Variants in C1QTNF3 observed in about 807,000 individuals in gnomAD.
The protein encoded by C1QTNF3 is C1q and TNF related 3, also known as complement C1q tumor necrosis factor-related protein 3.
In C1QTNF3, 26 loss-of-function variants were observed where a neutral mutation model predicts 32.6. The ratio of observed to expected loss-of-function variants is 0.80; its 90% CI spans 0.58 to 1.11. The LOEUF (loss-of-function observed/expected upper bound fraction) is 1.11, where lower values mean the gene tolerates loss of function less well. Among genes scored for constraint, C1QTNF3 ranks in the 50% least tolerant of loss-of-function variants. The pLI, the probability that C1QTNF3 is intolerant of heterozygous loss-of-function variation, is 0.00. For missense variants in C1QTNF3, 362 were observed against 398.2 expected, an observed-to-expected ratio of 0.91 and a Z score of 0.77; for synonymous variants, 155 against 146.0, an observed-to-expected ratio of 1.06 and a Z score of -0.44.
chr5:34,104,605 A>G, the C1QTNF3 span, among the ~76,000 whole-genome samples: 1 of 90,044 alleles, frequency 1.1e-5, no homozygotes, highest in Admixed American at 1.4e-4. Flanking sequence ...GCATGATGTC[A>G]GCTCACTGCA....
chr5:34,020,779 G>T (rs1464609312), intron 5 of C1QTNF3, 37 bp from the exon 6 acceptor site: 1 of 1,595,398 alleles, frequency 6.3e-7, no homozygotes, highest in Admixed American at 1.7e-5. Flanking sequence ...CTTAGTTTTT[G>T]CCATGAACAA....
the C1QTNF3 span, among the ~76,000 whole-genome samples, chr5:34,117,749 C>T: frequency 6.0e-5 from 9 of 151,238 alleles, no homozygotes; most frequent in African/African-American, 1.9e-4. Flanking sequence ...CCAGACTAGG[C>T]GACAGAGTGA....
chr5:34,142,273 C>T, the C1QTNF3 span, among the ~76,000 whole-genome samples: 2 of 151,918 alleles, frequency 1.3e-5, no homozygotes, highest in African/African-American at 2.4e-5. Flanking sequence ...TCTACTAAAA[C>T]CACAAAAAAT....
At chr5:34,211,711 G>A in the C1QTNF3 span, among the ~76,000 whole-genome samples, 839 of 151,914 alleles carry the variant, frequency 5.5e-3, 3 homozygotes, top group South Asian at 9.4e-3. Flanking sequence ...TCCCTACAAA[G>A]GACATGAACT....
chr5:34,155,007 T>C, the C1QTNF3 span, among the ~76,000 whole-genome samples: 3 of 152,212 alleles, frequency 2.0e-5, no homozygotes, highest in Non-Finnish European at 4.4e-5. Context: ...ACATACTTCT[T>C]AGTTATCATT....
In C1QTNF3 at chr5:34,024,030, C is replaced by A. The variant is rs542504441; in HGVS notation, c.701-22G>T. 5.7e-6 allele frequency: 9 copies of A among 1,584,122 alleles called. No individual in the cohort carries two copies. The South Asian group carries it at 1.0e-4, about 18-fold the overall frequency. Reference sequence around the variant, plus strand: ...ACACCTGAAAAAAGCAGGTATATATCCATGTTGATATTAACATGTTATACA... The same window carrying A: ...ACACCTGAAAAAAGCAGGTATATATACATGTTGATATTAACATGTTATACA... On this transcript the variant is annotated intron_variant, in intron 4 of 5. Coordinates refer to ENST00000382065, the MANE Select transcript of C1QTNF3 (RefSeq NM_181435.6).
chr5:34,048,174 G>A (rs1755016081), upstream of C1QTNF3, among the ~76,000 whole-genome samples: 1 of 152,010 alleles, frequency 6.6e-6, no homozygotes, highest in Non-Finnish European at 1.5e-5. Flanking sequence ...ATGTATTATA[G>A]ATGTTTGCTG....
At chr5:34,195,571 G>C in the C1QTNF3 span, among the ~76,000 whole-genome samples, 8 of 152,254 alleles carry the variant, frequency 5.3e-5, no homozygotes, top group African/African-American at 1.9e-4. Context: ...GCCGGGCGCG[G>C]TGGCTCATGC....
chr5:34,155,176 A>C, the C1QTNF3 span, among the ~76,000 whole-genome samples: 13 of 152,300 alleles, frequency 8.5e-5, no homozygotes, highest in Non-Finnish European at 1.5e-4. Flanking sequence ...AAGAAATGCA[A>C]ATTATGTTTT....
At chr5:34,155,208 A>G in the C1QTNF3 span, among the ~76,000 whole-genome samples, 1 of 152,220 alleles carries the variant, frequency 6.6e-6, no homozygotes, top group African/African-American at 2.4e-5. Flanking sequence ...TGGCTGTGTA[A>G]TAACAATGGA....
chr5:34,107,798 C>G, the C1QTNF3 span, among the ~76,000 whole-genome samples: 2 of 152,076 alleles, frequency 1.3e-5, no homozygotes, highest in Non-Finnish European at 2.9e-5. Flanking sequence ...ATAAATGTTA[C>G]CACTGACCAA....
chr5:34,127,499 T>A, the C1QTNF3 span, among the ~76,000 whole-genome samples: 1 of 152,166 alleles, frequency 6.6e-6, no homozygotes, highest in African/African-American at 2.4e-5. Flanking sequence ...AGCTTTGAAC[T>A]TGAGAGAGAG....
chr5:34,188,808 G>A, the C1QTNF3 span, among the ~76,000 whole-genome samples: 5 of 152,056 alleles, frequency 3.3e-5, no homozygotes, highest in African/African-American at 9.7e-5. Context: ...GGGAAGGCAC[G>A]ATTGCTTTTG....
At chr5:34,154,562 T>C in the C1QTNF3 span, among the ~76,000 whole-genome samples, 20 of 152,328 alleles carry the variant, frequency 1.3e-4, no homozygotes, top group African/African-American at 4.1e-4. Context: ...GAAAATCTGT[T>C]AGAATGCTGA....
At chr5:34,131,259 A>G in the C1QTNF3 span, among the ~76,000 whole-genome samples, 1 of 151,454 alleles carries the variant, frequency 6.6e-6, no homozygotes, top group Admixed American at 6.6e-5. Context: ...TCAACACTTT[A>G]TTTTTCAAAA....
At chr5:34,177,678 G>C in the C1QTNF3 span, among the ~76,000 whole-genome samples, 4 of 150,958 alleles carry the variant, frequency 2.6e-5, no homozygotes, top group African/African-American at 9.8e-5. Flanking sequence ...TAGTAGAGAC[G>C]GGGTTTCACC....
chr5:34,128,716 C>T, the C1QTNF3 span, among the ~76,000 whole-genome samples: 1 of 152,196 alleles, frequency 6.6e-6, no homozygotes, highest in African/African-American at 2.4e-5. Flanking sequence ...TGACCAATTT[C>T]TCCCTTTTGG....
the C1QTNF3 span, among the ~76,000 whole-genome samples, chr5:34,139,899 G>T: frequency 6.6e-6 from 1 of 152,168 alleles, no homozygotes; most frequent in Admixed American, 6.5e-5. Context: ...AATCACGTAG[G>T]TGCTTACACT....
chr5:34,209,455 A>G, the C1QTNF3 span, among the ~76,000 whole-genome samples: 1 of 151,114 alleles, frequency 6.6e-6, no homozygotes, highest in South Asian at 2.1e-4. Context: ...TTTGTTTAGA[A>G]ATAAAATAAA....
Sources: gnomAD v4.1 joint callset for allele counts (sites outside exome capture counted in the v4.1 genomes callset) on GRCh38, gnomAD v4.1.1 for gene constraint, MANE v1.5 for transcripts, NCBI Gene and HGNC (gene_info 2026-07-23, HGNC 2026-07-21) for gene names.